Variants in CCDC146 observed in about 807,000 individuals in gnomAD.
CCDC146 encodes coiled-coil domain containing 146.
CCDC146 carries 92 observed loss-of-function variants against 119.3 expected under a neutral mutation model. The observed-to-expected ratio is 0.77, with a 90% confidence interval of 0.65 to 0.92. The LOEUF (loss-of-function observed/expected upper bound fraction) is 0.92. Among genes scored for constraint, CCDC146 ranks in the 40% least tolerant of loss-of-function variants. The probability of loss-of-function intolerance (pLI) is 0.00; values close to 1 mark genes in which losing one functional copy is unlikely to be tolerated. For synonymous variants in CCDC146, 372 were observed against 371.8 expected (o/e 1.00, Z -0.01); for missense variants, 1,000 against 1,103.0 (o/e 0.91, Z 1.32).
Position 77,260,141 on chromosome 7 carries a change from AC to A in CCDC146, c.892del (p.Arg298GlufsTer20). On this transcript the variant is annotated frameshift_variant, in exon 8 of 19. Coordinates refer to ENST00000285871, the MANE Select transcript of CCDC146 (RefSeq NM_020879.3). LOFTEE classifies it high-confidence loss of function. ...ATGTAATAAAGGAAGTTGAAGGCAA[AC>A]GAGCCTTACTTGAAATCAAAGAACG... Reference protein sequence around the residue: ...ENVIKEVEGKRALLEIKEREH... With the variant: ...ENVIKEVEGKXALLEIKEREH... 1.9e-6 allele frequency: 3 copies of A among 1,614,144 alleles called. No homozygotes were observed. Among genetic ancestry groups the A allele is most frequent in the Non-Finnish European group, 2.5e-6 (3 of 1,180,024 alleles).
intron 2 of CCDC146, among the ~76,000 whole-genome samples, chr7:77,190,018 A>G (rs1397704850): frequency 6.6e-6 from 1 of 152,166 alleles, no homozygotes; most frequent in Non-Finnish European, 1.5e-5. Flanking sequence ...CATGAGTGTA[A>G]GATTTTTATC....
intron 4 of CCDC146, among the ~76,000 whole-genome samples, chr7:77,243,951 T>A (rs925425217): frequency 6.6e-6 from 1 of 152,162 alleles, no homozygotes; most frequent in Non-Finnish European, 1.5e-5. Flanking sequence ...CAATTTTGGC[T>A]CACTGCAACC....
At chr7:77,172,042 C>A (rs1791430217) in intron 2 of CCDC146, among the ~76,000 whole-genome samples, 1 of 152,202 alleles carries the variant, frequency 6.6e-6, no homozygotes, top group African/African-American at 2.4e-5. Flanking sequence ...TTTCAAAGAA[C>A]TGTGCTACAT....
intron 15 of CCDC146, among the ~76,000 whole-genome samples, 191 bp from the exon 16 acceptor site, chr7:77,286,607 C>T (rs1407678112): frequency 6.6e-6 from 1 of 152,152 alleles, no homozygotes; most frequent in Non-Finnish European, 1.5e-5. Context: ...ACATCATCGT[C>T]GCAGTACCAT....
intron 4 of CCDC146, among the ~76,000 whole-genome samples, chr7:77,251,575 C>T (rs372022331): frequency 6.6e-6 from 1 of 151,984 alleles, no homozygotes; most frequent in East Asian, 1.9e-4. Flanking sequence ...AAAGGAATTG[C>T]TTTAAATAGG....
In CCDC146 at chr7:77,280,602, T is replaced by C; in HGVS notation, c.1868T>C (p.Met623Thr). Reference sequence around the variant, plus strand: ...ACGATCACAATGATCGAAGAGGAGATGGTGCAGCTTCGCAAAAGATACGAA... The same window carrying C: ...ACGATCACAATGATCGAAGAGGAGACGGTGCAGCTTCGCAAAAGATACGAA... Reference protein sequence around the residue: ...ANTITMIEEEMVQLRKRYEKA... With the variant: ...ANTITMIEEETVQLRKRYEKA... The change falls in exon 14 of 19, where the codon ATG (methionine) becomes ACG (threonine). Residue 623 changes from methionine to threonine, a missense_variant. Met to Thr is a moderately conservative substitution (Grantham distance 81). This residue lies in a region of CCDC146 where 985 missense variants were observed against 1,045.3 expected (regional missense o/e 0.94). Coordinates refer to ENST00000285871, the MANE Select transcript of CCDC146 (RefSeq NM_020879.3). 1 of 1,613,976 alleles carries C rather than the reference T, an allele frequency of 6.2e-7. No individual in the cohort carries two copies. The highest frequency in any genetic ancestry group is 2.2e-5 in the East Asian group (1 of 44,878).
intron 1 of CCDC146, among the ~76,000 whole-genome samples, chr7:77,133,690 T>C (rs1790819596): frequency 6.7e-6 from 1 of 149,576 alleles, no homozygotes; most frequent in Non-Finnish European, 1.5e-5. Flanking sequence ...TTCAGCATCG[T>C]ACTGGAGGTC....
chr7:77,287,401 CT>C lies in CCDC146; in HGVS notation c.2278-30del, dbSNP rs150698984. On this transcript the variant is annotated intron_variant, in intron 16 of 18. Transcript: ENST00000285871. ...GGAAATAAGATTTTGTCTTAGATGA[CT>C]TTTTTTTTATTCCTCTTGAACCAAT... The C allele has an allele frequency of 0.014, 22,604 of 1,585,456 alleles. 2,671 individuals carry two copies. The African/African-American group carries it at 0.26, about 18-fold the overall frequency.
intron 13 of CCDC146, 59 bp from the exon 14 acceptor site, chr7:77,280,370 T>C: frequency 7.3e-7 from 1 of 1,373,252 alleles, no homozygotes; most frequent in Non-Finnish European, 9.9e-7. Context: ...AAGCCTTCAT[T>C]CCTTTTAAAT....
chr7:77,203,040 C>CG (rs1554351606), intron 2 of CCDC146, among the ~76,000 whole-genome samples: 3 of 143,466 alleles, frequency 2.1e-5, no homozygotes, highest in Non-Finnish European at 3.0e-5. Context: ...TGCCCCCCCC[C>CG]CCCCCAGGAC....
chr7:77,244,967 C>G (rs1792920930), intron 4 of CCDC146, among the ~76,000 whole-genome samples: 1 of 152,204 alleles, frequency 6.6e-6, no homozygotes, highest in South Asian at 2.1e-4. Context: ...ACTAGCACTC[C>G]TCCACCCCAA....
intron 17 of CCDC146, among the ~76,000 whole-genome samples, chr7:77,290,307 C>T (rs1793922099): frequency 6.6e-6 from 1 of 151,992 alleles, no homozygotes; most frequent in South Asian, 2.1e-4. Flanking sequence ...AGCACACCAA[C>T]ATGGCACATG....
intron 17 of CCDC146, among the ~76,000 whole-genome samples, chr7:77,291,983 A>C (rs968621883): frequency 6.6e-6 from 1 of 152,122 alleles, no homozygotes; most frequent in African/African-American, 2.4e-5. Context: ...ACGTCAAATT[A>C]AACTAGAATT....
chr7:77,236,599 A>G (rs574940849), intron 2 of CCDC146, among the ~76,000 whole-genome samples: 1 of 149,558 alleles, frequency 6.7e-6, no homozygotes, highest in Non-Finnish European at 1.5e-5. Context: ...CATTTTCTCA[A>G]CTTACAAATA....
intron 1 of CCDC146, among the ~76,000 whole-genome samples, chr7:77,148,424 C>T (rs554560714): frequency 2.6e-5 from 4 of 152,110 alleles, no homozygotes; most frequent in African/African-American, 9.7e-5. Flanking sequence ...CTCCTGCCCC[C>T]ACTGTTCAAC....
chr7:77,268,744 C>A (rs1052935495), intron 9 of CCDC146, among the ~76,000 whole-genome samples: 1 of 152,186 alleles, frequency 6.6e-6, no homozygotes. Flanking sequence ...ACTAGCCATA[C>A]AGACAATTAG....
In CCDC146 at chr7:77,191,311, T is replaced by C. The variant is rs542922957; in HGVS notation, c.156+23487T>C. ...CTTGCCATATTCTCCCTGGCTGTAA[T>C]TGCTTCTCACCTATGTTCACAGTCT... On this transcript the variant is annotated intron_variant, in intron 2 of 18. Coordinates refer to ENST00000285871, the MANE Select transcript of CCDC146 (RefSeq NM_020879.3). Among the ~76,000 whole-genome samples the C allele has an allele frequency of 8.9e-4, 136 of 152,302 alleles. 1 individual carries two copies. The highest frequency in any genetic ancestry group is 2.9e-3 in the African/African-American group (122 of 41,568).
intron 2 of CCDC146, among the ~76,000 whole-genome samples, chr7:77,183,605 T>G (rs983213712): frequency 2.0e-5 from 3 of 152,204 alleles, no homozygotes; most frequent in African/African-American, 7.2e-5. Context: ...CTTCCCTGTT[T>G]CTGTGCTTCA....
chr7:77,137,022 G>A (rs1024040535), intron 1 of CCDC146, among the ~76,000 whole-genome samples: 1 of 152,146 alleles, frequency 6.6e-6, no homozygotes, highest in Non-Finnish European at 1.5e-5. Context: ...ATCAATAGAT[G>A]CAGAAAAATT....
Sources: gnomAD v4.1 joint callset for allele counts (sites outside exome capture counted in the v4.1 genomes callset) on GRCh38, gnomAD v4.1.1 for gene constraint, gnomAD v4.1.1 regional missense constraint, MANE v1.5 for transcripts, NCBI Gene and HGNC (gene_info 2026-07-23, HGNC 2026-07-21) for gene names.